Variants in RBFOX1 observed in about 807,000 individuals in gnomAD.
RBFOX1 encodes RNA binding protein fox-1 homolog 1.
Under a neutral mutation model 57.7 loss-of-function variants are expected in RBFOX1, and 8 were observed. The ratio of observed to expected loss-of-function variants is 0.14; its 90% confidence interval spans 0.08 to 0.25. The LOEUF is 0.25. RBFOX1 is among the 10% of genes least tolerant of loss of function. The pLI, the probability that RBFOX1 is intolerant of heterozygous loss-of-function variation, is 1.00. For missense variants in RBFOX1, 611 were observed against 548.5 expected (o/e 1.11, Z -1.14); for synonymous variants, 326 against 222.4 (o/e 1.47, Z -4.15).
At chr16:5,823,514 C>G (rs1446388849) in intron 3 of RBFOX1, among the ~76,000 whole-genome samples, 1 of 152,168 alleles carries the variant, frequency 6.6e-6, no homozygotes, top group Admixed American at 6.5e-5. Flanking sequence ...AGGCCACGGA[C>G]TGCTACCAGT....
intron 3 of RBFOX1, among the ~76,000 whole-genome samples, chr16:5,725,161 C>T (rs956565224): frequency 6.6e-6 from 1 of 152,196 alleles, no homozygotes; most frequent in Non-Finnish European, 1.5e-5. Context: ...GCAGAGGAGG[C>T]TAGGCTGTTG....
At chr16:6,966,701 T>A (rs2084248297) in intron 3 of RBFOX1, among the ~76,000 whole-genome samples, 1 of 152,092 alleles carries the variant, frequency 6.6e-6, no homozygotes, top group Admixed American at 6.5e-5. Flanking sequence ...GCGAAATTGA[T>A]CTAAATTACA....
At chr16:7,050,724 C>T (rs1383442583) in intron 3 of RBFOX1, among the ~76,000 whole-genome samples, 1 of 152,090 alleles carries the variant, frequency 6.6e-6, no homozygotes, top group Non-Finnish European at 1.5e-5. Context: ...CTAAATGGTA[C>T]ATGTTATGCC....
chr16:6,503,453 A>T (rs1285714742), intron 2 of RBFOX1, among the ~76,000 whole-genome samples: 2 of 152,176 alleles, frequency 1.3e-5, no homozygotes, highest in African/African-American at 4.8e-5. Context: ...CCCTGGGTGG[A>T]CCATGTGGGC....
intron 3 of RBFOX1, among the ~76,000 whole-genome samples, chr16:5,866,253 G>A (rs1411997702): frequency 2.6e-5 from 4 of 152,192 alleles, no homozygotes; most frequent in African/African-American, 9.7e-5. Context: ...ATAGGCATGA[G>A]GCATTGTGCC....
rs574289659 is a variant in RBFOX1, at chr16:6,147,704, A to G, written c.-127+127712A>G. Among the ~76,000 whole-genome samples the G allele has an allele frequency of 2.5e-3, 381 of 152,342 alleles. 1 individual carries two copies. Among genetic ancestry groups the G allele is most frequent in the Non-Finnish European group, 4.1e-3 (276 of 68,042 alleles). On this transcript the variant is annotated intron_variant, in intron 1 of 15. Transcript: ENST00000550418. ...GACTTAATGCCTCCTTGAACATGTT[A>G]CGTTCAACTCAAAAGCCTCCCCAGT...
intron 2 of RBFOX1, among the ~76,000 whole-genome samples, chr16:5,505,685 T>C (rs2043354449): frequency 6.6e-6 from 1 of 152,168 alleles, no homozygotes; most frequent in African/African-American, 2.4e-5. Flanking sequence ...AGCCTTGAAT[T>C]GTGTGACAAA....
At chr16:5,900,443 C>G (rs2058279428) in intron 4 of RBFOX1, among the ~76,000 whole-genome samples, 1 of 152,294 alleles carries the variant, frequency 6.6e-6, no homozygotes, top group South Asian at 2.1e-4. Flanking sequence ...TGTGTTTCTG[C>G]AAGGAGATTT....
At chr16:7,503,951 T>G (rs1032744464) in intron 4 of RBFOX1, among the ~76,000 whole-genome samples, 7 of 152,200 alleles carry the variant, frequency 4.6e-5, no homozygotes, top group Non-Finnish European at 8.8e-5. Context: ...TGGTCTTGAC[T>G]GTGTATTATA....
chr16:6,087,966 T>C (rs572289646), intron 1 of RBFOX1, among the ~76,000 whole-genome samples: 5 of 152,354 alleles, frequency 3.3e-5, no homozygotes, highest in Admixed American at 3.3e-4. Context: ...TTATTTCTTG[T>C]ATAAAAACTC....
At chr16:6,549,996 T>C (rs1036070589) in intron 2 of RBFOX1, among the ~76,000 whole-genome samples, 1 of 152,082 alleles carries the variant, frequency 6.6e-6, no homozygotes, top group Non-Finnish European at 1.5e-5. Context: ...TTTTTGAACA[T>C]TGTCTAAGAG....
At chr16:7,305,716 C>A (rs1185610852) in intron 4 of RBFOX1, among the ~76,000 whole-genome samples, 1 of 151,990 alleles carries the variant, frequency 6.6e-6, no homozygotes, top group Non-Finnish European at 1.5e-5. Flanking sequence ...TTGGTTGACT[C>A]CAGAAAATAT....
chr16:5,465,137 A>G (rs967255045), intron 1 of RBFOX1, among the ~76,000 whole-genome samples: 1 of 152,200 alleles, frequency 6.6e-6, no homozygotes, highest in East Asian at 1.9e-4. Flanking sequence ...CAGCAAATTT[A>G]TTTCTCTCAG....
intron 4 of RBFOX1, among the ~76,000 whole-genome samples, chr16:7,312,001 CT>C (rs1295081695): frequency 3.3e-5 from 5 of 152,284 alleles, no homozygotes; most frequent in African/African-American, 1.2e-4. Flanking sequence ...TCATACTGTT[CT>C]TTGTGATATT....
intron 3 of RBFOX1, among the ~76,000 whole-genome samples, chr16:5,858,397 G>T (rs1312026609): frequency 1.3e-5 from 2 of 152,078 alleles, no homozygotes; most frequent in East Asian, 1.9e-4. Flanking sequence ...CCTGTAAACC[G>T]GCACTGTGAC....
intron 4 of RBFOX1, among the ~76,000 whole-genome samples, chr16:5,930,385 G>A (rs1218443951): frequency 1.5e-5 from 2 of 136,136 alleles, no homozygotes; most frequent in African/African-American, 5.6e-5. Flanking sequence ...TGGATGCATG[G>A]ATGGATGCAT....
At chr16:6,804,667 C>G (rs1311554522) in intron 3 of RBFOX1, among the ~76,000 whole-genome samples, 6 of 152,058 alleles carry the variant, frequency 3.9e-5, no homozygotes, top group Non-Finnish European at 7.4e-5. Flanking sequence ...TTAGAACAGC[C>G]AACTTTCTAA....
chr16:6,815,076 A>G lies in RBFOX1; in HGVS notation c.-16+160426A>G, dbSNP rs867767117. On this transcript the variant is annotated intron_variant, in intron 3 of 15. Coordinates refer to ENST00000550418, the MANE Select transcript of RBFOX1 (RefSeq NM_018723.4). ...AGTTTTTCCCGGAAAGCGGTAGGCA[A>G]TGACTAGAACTGAGGGTTTCTCCCC... Among the ~76,000 whole-genome samples the G allele has an allele frequency of 5.3e-5, 8 of 152,306 alleles. No homozygotes were observed. The South Asian group carries it at 6.2e-4, about 12-fold the overall frequency.
chr16:5,688,212 C>T (rs2050562572), intron 3 of RBFOX1, among the ~76,000 whole-genome samples: 1 of 152,192 alleles, frequency 6.6e-6, no homozygotes, highest in African/African-American at 2.4e-5. Flanking sequence ...AGTCACTTTG[C>T]TGCTAAGTAG....
Sources: allele counts gnomAD v4.1 joint callset (sites outside exome capture counted in the v4.1 genomes callset), GRCh38; gene constraint gnomAD v4.1.1; transcripts MANE v1.5; gene names NCBI Gene and HGNC (gene_info 2026-07-23, HGNC 2026-07-21).